OR3A2: variants seen among roughly 807,000 people sequenced by gnomAD.
OR3A2 encodes the protein olfactory receptor 3A2.
For synonymous variants in OR3A2, 126 were observed against 159.3 expected (o/e 0.79, Z 1.57); for missense variants, 318 against 392.8 (o/e 0.81, Z 1.61).
intron 3 of OR3A2, chr17:3,292,387 G>A (rs1286232666): frequency 6.2e-7 from 1 of 1,614,078 alleles, no homozygotes; most frequent in South Asian, 1.1e-5. Flanking sequence ...AGGTTCCCCA[G>A]GAAGAAGTAC....
intron 2 of OR3A2, among the ~76,000 whole-genome samples, chr17:3,349,291 C>G (rs1463066719): frequency 6.6e-6 from 1 of 152,138 alleles, no homozygotes; most frequent in Non-Finnish European, 1.5e-5. Flanking sequence ...AAACCCATCT[C>G]ACGGGCAGAG....
intron 3 of OR3A2, chr17:3,292,521 A>G (rs1040085016): frequency 6.2e-7 from 1 of 1,613,922 alleles, no homozygotes; most frequent in Non-Finnish European, 8.5e-7. Context: ...TGGCGCCTCC[A>G]GCAAGCCCAG....
At chr17:3,291,029 G>C (rs1192513342) in intron 3 of OR3A2, 2 of 152,182 alleles carry the variant, frequency 1.3e-5, no homozygotes, top group Non-Finnish European at 2.9e-5. Flanking sequence ...CTGCACACAG[G>C]TATCAGGTGC....
At chr17:3,317,265 G>C (rs886199020) in intron 3 of OR3A2, among the ~76,000 whole-genome samples, 2 of 152,184 alleles carry the variant, frequency 1.3e-5, no homozygotes, top group African/African-American at 2.4e-5. Flanking sequence ...GCTTTGGAAA[G>C]AGTCTTGAAA....
chr17:3,300,099 G>T (rs568863844), intron 3 of OR3A2, among the ~76,000 whole-genome samples: 1 of 151,354 alleles, frequency 6.6e-6, no homozygotes, highest in South Asian at 2.1e-4. Flanking sequence ...CACAAAGCAT[G>T]ATTTTAACAA....
intron 3 of OR3A2, among the ~76,000 whole-genome samples, chr17:3,326,674 G>T: frequency 6.8e-6 from 1 of 146,466 alleles, no homozygotes; most frequent in Non-Finnish European, 1.5e-5. Context: ...TCTAGTATTA[G>T]GTATATCTCC....
chr17:3,372,977 A>T (rs1421635683), intron 2 of OR3A2, among the ~76,000 whole-genome samples: 1 of 151,740 alleles, frequency 6.6e-6, no homozygotes, highest in Non-Finnish European at 1.5e-5. Flanking sequence ...CTTTTGCTAC[A>T]TCCCAGAAGC....
chr17:3,319,032 T>TC (rs1396680058), intron 3 of OR3A2, among the ~76,000 whole-genome samples: 2 of 152,202 alleles, frequency 1.3e-5, no homozygotes, highest in African/African-American at 4.8e-5. Flanking sequence ...GTCTTAAACC[T>TC]CCATTGCTTT....
intron 3 of OR3A2, among the ~76,000 whole-genome samples, chr17:3,330,455 A>G (rs909728047): frequency 2.0e-5 from 3 of 151,720 alleles, no homozygotes; most frequent in African/African-American, 7.3e-5. Flanking sequence ...TGATCCCTTT[A>G]CCATTATGTA....
rs1331216556 is a variant in OR3A2 at position 3,372,268 on chromosome 17, C to T, written c.-179+11536G>A. 7.4e-5 allele frequency among the ~76,000 whole-genome samples: 11 copies of T among 148,858 alleles called. No individual in the cohort carries two copies. The East Asian group carries it at 8.6e-4, about 12-fold the overall frequency. ...GCTCCTCACTTCCTAGATGGGATGG[C>T]GGCCGGGAAGAGGCACTCCTCACTT... On this transcript the variant is annotated intron_variant, in intron 2 of 4. Transcript: ENST00000573491.
chr17:3,339,243 A>G (rs116541093), intron 2 of OR3A2, among the ~76,000 whole-genome samples: 2,422 of 152,220 alleles, frequency 0.016, 61 homozygotes, highest in African/African-American at 0.055. Flanking sequence ...TCTTTTCCCA[A>G]TTGAATACAC....
At chr17:3,385,631 G>C (rs2049771061) in intron 1 of OR3A2, among the ~76,000 whole-genome samples, 1 of 152,108 alleles carries the variant, frequency 6.6e-6, no homozygotes, top group Admixed American at 6.5e-5. Context: ...GGCTCAGAAA[G>C]GTCTCAACAC....
chr17:3,297,556 C>A (rs16952837), intron 3 of OR3A2, among the ~76,000 whole-genome samples: 2,219 of 150,252 alleles, frequency 0.015, 128 homozygotes, highest in African/African-American at 0.052. Context: ...CTAAACTCTG[C>A]GGCACTTTAA....
intron 2 of OR3A2, among the ~76,000 whole-genome samples, chr17:3,350,100 C>A (rs2049405932): frequency 6.7e-6 from 1 of 150,212 alleles, no homozygotes; most frequent in African/African-American, 2.5e-5. Flanking sequence ...AAAATTGACA[C>A]CCTAACATCA....
chr17:3,380,631 AG>A (rs2049726646), intron 2 of OR3A2, among the ~76,000 whole-genome samples: 1 of 152,222 alleles, frequency 6.6e-6, no homozygotes, highest in Non-Finnish European at 1.5e-5. Context: ...AGAAGTTGGC[AG>A]AAGGAAGTAG....
intron 3 of OR3A2, among the ~76,000 whole-genome samples, chr17:3,303,302 C>G (rs2048978567): frequency 6.6e-6 from 1 of 152,040 alleles, no homozygotes; most frequent in South Asian, 2.1e-4. Context: ...CTTTAGTTAT[C>G]TAAAAAATAA....
intron 3 of OR3A2, among the ~76,000 whole-genome samples, chr17:3,313,797 G>A (rs1015369404): frequency 2.0e-5 from 3 of 152,120 alleles, no homozygotes; most frequent in African/African-American, 4.8e-5. Flanking sequence ...CCTTAAGGAC[G>A]GGATCCATGT....
intron 2 of OR3A2, among the ~76,000 whole-genome samples, chr17:3,348,988 T>G (rs230451): frequency 0.4 from 61,478 of 151,818 alleles, 12,810 homozygotes; most frequent in Admixed American, 0.52. Context: ...TGCTGAGAGA[T>G]TTTGTCGCCA....
intron 1 of OR3A2, among the ~76,000 whole-genome samples, chr17:3,384,990 G>C (rs961164539): frequency 6.6e-6 from 1 of 152,050 alleles, no homozygotes; most frequent in African/African-American, 2.4e-5. Context: ...TCGGGAGTTC[G>C]AGACCAGCCT....
Sources: allele counts gnomAD v4.1 joint callset (sites outside exome capture counted in the v4.1 genomes callset), GRCh38; gene constraint gnomAD v4.1.1; transcripts MANE v1.5; gene names NCBI Gene and HGNC (gene_info 2026-07-23, HGNC 2026-07-21).